BRINP3: variants seen among roughly 807,000 people sequenced by gnomAD.
The protein encoded by BRINP3 is BMP/retinoic acid inducible neural specific 3, also known as BMP/retinoic acid-inducible neural-specific protein 3.
A neutral mutation model predicts 71.0 loss-of-function variants in BRINP3; 19 were observed. The ratio of observed to expected loss-of-function variants is 0.27; its 90% CI spans 0.19 to 0.39. The LOEUF (loss-of-function observed/expected upper bound fraction) is 0.39. Among genes scored for constraint, BRINP3 ranks in the 10% least tolerant of loss-of-function variants. The pLI, the probability that BRINP3 is intolerant of heterozygous loss-of-function variation, is 1.00. For missense variants in BRINP3, 959 were observed against 940.8 expected (o/e 1.02, Z -0.25); for synonymous variants, 380 against 337.7 (o/e 1.13, Z -1.37).
chr1:190,116,576 A>T (rs1475299120), intron 7 of BRINP3, among the ~76,000 whole-genome samples: 1 of 152,050 alleles, frequency 6.6e-6, no homozygotes, highest in African/African-American at 2.4e-5. Context: ...CATGTCCTCA[A>T]ATGTTCTTCC....
intron 2 of BRINP3, among the ~76,000 whole-genome samples, chr1:190,357,691 T>G (rs1363359013): frequency 6.6e-6 from 1 of 151,966 alleles, no homozygotes; most frequent in African/African-American, 2.4e-5. Flanking sequence ...AGTAGTTTTT[T>G]CCAATTCTGT....
intron 7 of BRINP3, among the ~76,000 whole-genome samples, chr1:190,139,794 A>G (rs749070150): frequency 6.6e-6 from 1 of 152,174 alleles, no homozygotes. Flanking sequence ...GGCAACATTT[A>G]GTGTTACCTT....
At chr1:190,309,740 T>G (rs905367760) in intron 2 of BRINP3, among the ~76,000 whole-genome samples, 2 of 151,734 alleles carry the variant, frequency 1.3e-5, no homozygotes, top group African/African-American at 2.4e-5. Context: ...CCTGATTATT[T>G]ATATAAGGAA....
At chr1:190,192,790 AG>A (rs377099241) in intron 6 of BRINP3, among the ~76,000 whole-genome samples, 4 of 152,282 alleles carry the variant, frequency 2.6e-5, no homozygotes, top group African/African-American at 9.6e-5. Flanking sequence ...TCTGCAAACC[AG>A]GCTCAATAAA....
intron 5 of BRINP3, among the ~76,000 whole-genome samples, chr1:190,229,354 T>A (rs1657721112): frequency 6.6e-6 from 1 of 151,964 alleles, no homozygotes; most frequent in Non-Finnish European, 1.5e-5. Context: ...TCTGCCCCCA[T>A]ATAAGATGTG....
chr1:190,354,802 G>C (rs1344432632), intron 2 of BRINP3, among the ~76,000 whole-genome samples: 1 of 140,284 alleles, frequency 7.1e-6, no homozygotes, highest in African/African-American at 2.6e-5. Flanking sequence ...TTAAACTGTT[G>C]CACCCTTTCA....
intron 7 of BRINP3, among the ~76,000 whole-genome samples, chr1:190,136,658 A>G (rs1256808211): frequency 6.6e-6 from 1 of 152,114 alleles, no homozygotes; most frequent in Non-Finnish European, 1.5e-5. Context: ...TATTTTTTCC[A>G]TCATCTAATT....
chr1:190,190,150 G>C (rs1378352692), intron 6 of BRINP3, among the ~76,000 whole-genome samples: 1 of 152,104 alleles, frequency 6.6e-6, no homozygotes, highest in African/African-American at 2.4e-5. Flanking sequence ...GGTCTTTCCT[G>C]GCACCAGGGA....
At chr1:190,472,169 A>T (rs1677179906) in intron 1 of BRINP3, among the ~76,000 whole-genome samples, 1 of 151,650 alleles carries the variant, frequency 6.6e-6, no homozygotes, top group Non-Finnish European at 1.5e-5. Flanking sequence ...ATGTCATTTT[A>T]TGTACAACTC....
intron 2 of BRINP3, among the ~76,000 whole-genome samples, chr1:190,405,010 A>T (rs996460970): frequency 1.2e-4 from 18 of 152,310 alleles, no homozygotes; most frequent in Non-Finnish European, 1.8e-4. Context: ...CAAATATATT[A>T]AAAAATGAAC....
intron 6 of BRINP3, among the ~76,000 whole-genome samples, chr1:190,215,020 A>G (rs1412966): frequency 0.42 from 62,494 of 150,482 alleles, 13,638 homozygotes; most frequent in Non-Finnish European, 0.49. Context: ...AAGAAAGCTC[A>G]TTAATGCTTT....
At chr1:190,463,342 C>G (rs1467374924) in intron 1 of BRINP3, among the ~76,000 whole-genome samples, 1 of 151,214 alleles carries the variant, frequency 6.6e-6, no homozygotes, top group African/African-American at 2.4e-5. Context: ...TGTTCCCATA[C>G]AATAGATAAT....
intron 2 of BRINP3, among the ~76,000 whole-genome samples, chr1:190,368,952 ACT>A (rs1179074928): frequency 6.6e-6 from 1 of 151,822 alleles, no homozygotes; most frequent in African/African-American, 2.4e-5. Flanking sequence ...GAAAATAAAA[ACT>A]CTTTTCCTCC....
At chr1:190,176,468 G>A (rs1172330740) in intron 6 of BRINP3, among the ~76,000 whole-genome samples, 4 of 152,166 alleles carry the variant, frequency 2.6e-5, no homozygotes, top group Non-Finnish European at 5.9e-5. Context: ...GTCACTATTA[G>A]TAGCCATCCT....
chr1:190,385,007 G>A (rs1167864598), intron 2 of BRINP3, among the ~76,000 whole-genome samples: 1 of 151,858 alleles, frequency 6.6e-6, no homozygotes, highest in African/African-American at 2.4e-5. Flanking sequence ...GGGAAAACTG[G>A]CTAGCCATAT....
At chr1:190,198,045 C>G (rs2102599398) in intron 6 of BRINP3, among the ~76,000 whole-genome samples, 1 of 152,296 alleles carries the variant, frequency 6.6e-6, no homozygotes, top group East Asian at 1.9e-4. Context: ...TGTGAACCCA[C>G]AGGCCCAACA....
chr1:190,364,136 C>T lies in BRINP3; in HGVS notation c.237-82386G>A, dbSNP rs1669334416. 2.0e-5 allele frequency among the ~76,000 whole-genome samples: 3 copies of T among 152,018 alleles called. No homozygotes were observed. The South Asian group carries it at 6.2e-4, about 31-fold the overall frequency. ...AAATTTTTAAACTTTTAATAATATT[C>T]AGACTGATTCTGGGAAAGTAATCCC... On this transcript the variant is annotated intron_variant, in intron 2 of 7. Transcript: ENST00000367462.
At chr1:190,433,548 C>T (rs960850545) in intron 2 of BRINP3, among the ~76,000 whole-genome samples, 1 of 152,124 alleles carries the variant, frequency 6.6e-6, no homozygotes, top group Non-Finnish European at 1.5e-5. Flanking sequence ...TCAGTATCAC[C>T]TTTTCAGAGA....
intron 7 of BRINP3, among the ~76,000 whole-genome samples, chr1:190,122,648 G>A (rs1463883051): frequency 6.6e-6 from 1 of 152,040 alleles, no homozygotes; most frequent in Non-Finnish European, 1.5e-5. Context: ...GTTAATGGGT[G>A]CAGTACACCA....
Sources: gnomAD v4.1 joint callset for allele counts (sites outside exome capture counted in the v4.1 genomes callset) on GRCh38, gnomAD v4.1.1 for gene constraint, MANE v1.5 for transcripts, NCBI Gene and HGNC (gene_info 2026-07-23, HGNC 2026-07-21) for gene names.